The following RNF220 variants were observed in gnomAD, a reference collection of about 807,000 sequenced individuals.
The protein encoded by RNF220 is E3 ubiquitin-protein ligase RNF220.
RNF220 carries 7 observed loss-of-function variants against 67.1 expected under a neutral mutation model. That is an observed-to-expected ratio of 0.10 (90% CI 0.06 to 0.20). RNF220 has a LOEUF of 0.20. Ranked by LOEUF, RNF220 falls within the 10% of genes least tolerant of loss-of-function variation. RNF220 has a pLI of 1.00. For synonymous variants in RNF220, 270 were observed against 283.2 expected (o/e 0.95, Z 0.47); for missense variants, 565 against 740.3 (o/e 0.76, Z 2.75).
chr1:44,628,228 C>T lies in RNF220; in HGVS notation c.906+1830C>T, dbSNP rs888984141. 3.9e-5 allele frequency among the ~76,000 whole-genome samples: 6 copies of T among 152,246 alleles called. 1 individual carries two copies. In the South Asian group the frequency reaches 1.2e-3, roughly 31 times the overall value. On this transcript the variant is annotated intron_variant, in intron 5 of 14. Coordinates refer to ENST00000361799, the MANE Select transcript of RNF220 (RefSeq NM_018150.4). ...CTCTGTACTGCACTCACGGCATGCG[C>T]CTTGCCATCTGTTCAACTAGGAAAG... is the stretch of plus-strand genomic sequence containing the variant.
At chr1:44,430,463 A>G (rs1650240160) in intron 2 of RNF220, among the ~76,000 whole-genome samples, 1 of 152,214 alleles carries the variant, frequency 6.6e-6, no homozygotes, top group South Asian at 2.1e-4. Flanking sequence ...GATGAAGAGT[A>G]TATGGAAACC....
rs192506926 is a variant in RNF220, at chr1:44,529,238, A to T, written c.626-84927A>T. On this transcript the variant is annotated intron_variant, in intron 2 of 14. Coordinates refer to ENST00000361799, the MANE Select transcript of RNF220 (RefSeq NM_018150.4). ...TGGTTAAATAAGTTATAGTATAATC[A>T]TATGATAAAATATTGTTCAGCCATT... Among the ~76,000 whole-genome samples, 15 of 152,326 alleles carry T rather than the reference A, an allele frequency of 9.8e-5. No homozygotes were observed. In the East Asian group the frequency reaches 2.9e-3, roughly 29 times the overall value.
At chr1:44,555,668 G>A (rs1159471412) in intron 2 of RNF220, among the ~76,000 whole-genome samples, 2 of 149,094 alleles carry the variant, frequency 1.3e-5, no homozygotes, top group East Asian at 4.2e-4. Flanking sequence ...GTAGAGACAG[G>A]GTTTCACCGT....
Position 44,645,343 on chromosome 1 carries a change from C to T in RNF220, c.1366+67C>T, listed in dbSNP as rs763444216. ...TATCCCTAGATGGTGGTGACTGACT[C>T]AAGCCCAACCCCTCACCTGTGCTGC... On this transcript the variant is annotated intron_variant, in intron 11 of 14. Coordinates refer to ENST00000361799, the MANE Select transcript of RNF220 (RefSeq NM_018150.4). The surrounding 1 kb of genome is among the most constrained non-coding windows in gnomAD (Gnocchi z 5.0). The T allele has an allele frequency of 6.2e-7, 1 of 1,613,148 alleles. No homozygotes were observed. The highest frequency in any genetic ancestry group is 1.7e-5 in the Admixed American group (1 of 60,020).
intron 2 of RNF220, among the ~76,000 whole-genome samples, chr1:44,506,507 G>A (rs537474639): frequency 6.6e-6 from 1 of 152,364 alleles, no homozygotes; most frequent in South Asian, 2.1e-4. Flanking sequence ...CTTTTGGTTT[G>A]CCAGAAGTGG....
intron 1 of RNF220, chr1:44,409,019 C>T (rs1174448457): frequency 6.6e-6 from 1 of 152,276 alleles, no homozygotes; most frequent in African/African-American, 2.4e-5. Context: ...CCGCAGAGCG[C>T]GGAGCGCTGC....
intron 2 of RNF220, among the ~76,000 whole-genome samples, chr1:44,550,192 A>G (rs1662513753): frequency 6.6e-6 from 1 of 152,212 alleles, no homozygotes. Context: ...GTCCCTCCAC[A>G]GTCCCCTTGG....
At chr1:44,617,613 G>A (rs951462198) in intron 3 of RNF220, among the ~76,000 whole-genome samples, 1 of 152,214 alleles carries the variant, frequency 6.6e-6, no homozygotes, top group Non-Finnish European at 1.5e-5. Context: ...GCCCGCTCTC[G>A]GGAAGCCAAG....
chr1:44,515,856 G>A (rs547024338), intron 2 of RNF220, among the ~76,000 whole-genome samples: 49 of 152,272 alleles, frequency 3.2e-4, no homozygotes, highest in African/African-American at 9.4e-4. Flanking sequence ...CTCTGTGTAG[G>A]AATATTAAAA....
chr1:44,520,128 T>TGTGTGTGTGA (rs796131470), intron 2 of RNF220, among the ~76,000 whole-genome samples: 6,467 of 113,110 alleles, frequency 0.057, 243 homozygotes, highest in East Asian at 0.087. Flanking sequence ...TGTGTGTGTG[T>TGTGTGTGTGA]GAGAGAGAGA....
chr1:44,552,794 C>G (rs367883096), intron 2 of RNF220, among the ~76,000 whole-genome samples: 2 of 151,922 alleles, frequency 1.3e-5, no homozygotes. Context: ...TGGCCTCGAT[C>G]TCTTGACCTC....
intron 2 of RNF220, among the ~76,000 whole-genome samples, chr1:44,416,612 C>T (rs1219894553): frequency 6.6e-6 from 1 of 152,244 alleles, no homozygotes; most frequent in African/African-American, 2.4e-5. Flanking sequence ...AGTATACATG[C>T]TCACCACAGG....
intron 2 of RNF220, among the ~76,000 whole-genome samples, chr1:44,576,901 C>T (rs1475283842): frequency 6.6e-6 from 1 of 152,180 alleles, no homozygotes; most frequent in Non-Finnish European, 1.5e-5. Context: ...CTCACTTTGC[C>T]TTCTCTACTC....
intron 2 of RNF220, among the ~76,000 whole-genome samples, chr1:44,550,886 C>T (rs932442699): frequency 6.6e-6 from 1 of 152,132 alleles, no homozygotes; most frequent in African/African-American, 2.4e-5. Flanking sequence ...CACTCACCAC[C>T]CCCATGTGTC....
intron 2 of RNF220, among the ~76,000 whole-genome samples, chr1:44,602,493 G>A (rs1349539771): frequency 6.6e-6 from 1 of 152,056 alleles, no homozygotes; most frequent in Non-Finnish European, 1.5e-5. Flanking sequence ...TATTGGCATG[G>A]TCCTCTGTCC....
intron 5 of RNF220, 47 bp downstream of exon 5, chr1:44,626,445 G>A: frequency 6.7e-7 from 1 of 1,485,512 alleles, no homozygotes; most frequent in African/African-American, 1.4e-5. Flanking sequence ...TCACCTGGGG[G>A]AGGGCTTCAA....
intron 2 of RNF220, among the ~76,000 whole-genome samples, chr1:44,573,169 C>A (rs189331122): frequency 6.6e-6 from 1 of 152,040 alleles, no homozygotes; most frequent in Admixed American, 6.5e-5. Context: ...AACCCTAAAA[C>A]GTCCCAGGCG....
chr1:44,538,689 G>A (rs1661431007), intron 2 of RNF220, among the ~76,000 whole-genome samples: 2 of 152,162 alleles, frequency 1.3e-5, no homozygotes, highest in South Asian at 2.1e-4. Flanking sequence ...GCCGACACAG[G>A]TGGATCACCT....
intron 2 of RNF220, among the ~76,000 whole-genome samples, chr1:44,555,222 C>G (rs912784816): frequency 1.3e-5 from 2 of 152,062 alleles, no homozygotes; most frequent in African/African-American, 4.8e-5. Context: ...CACACGACAC[C>G]ACGCCTAGCT....
Sources: gnomAD v4.1 joint callset for allele counts (sites outside exome capture counted in the v4.1 genomes callset) on GRCh38, gnomAD v4.1.1 for gene constraint, Gnocchi (gnomAD v3.1) non-coding constraint, MANE v1.5 for transcripts, NCBI Gene and HGNC (gene_info 2026-07-23, HGNC 2026-07-21) for gene names.